Variants in CUX1 observed in about 807,000 individuals in gnomAD.
CUX1 encodes the protein cut like homeobox 1, also known as protein CASP.
CUX1 carries 31 observed loss-of-function variants against 158.8 expected under a neutral mutation model. The observed-to-expected ratio is 0.20, with a 90% CI of 0.15 to 0.26. The LOEUF (loss-of-function observed/expected upper bound fraction) is 0.26, where lower values mean the gene tolerates loss of function less well. Ranked by LOEUF, CUX1 falls within the 10% of genes least tolerant of loss-of-function variation. CUX1 has a pLI of 1.00. For missense variants in CUX1, 1,589 were observed against 2,014.6 expected (o/e 0.79, Z 4.04); for synonymous variants, 879 against 862.1 (o/e 1.02, Z -0.34).
At chr7:101,948,289 C>T (rs760996685) in intron 2 of CUX1, among the ~76,000 whole-genome samples, 3 of 152,130 alleles carry the variant, frequency 2.0e-5, no homozygotes, top group African/African-American at 2.4e-5. Context: ...GGCATTATCA[C>T]GACAATTAGT....
At chr7:102,208,691 C>T (rs571949664) in intron 20 of CUX1, among the ~76,000 whole-genome samples, 33 of 152,272 alleles carry the variant, frequency 2.2e-4, no homozygotes, top group Non-Finnish European at 4.6e-4. Flanking sequence ...GGAGAGCGAG[C>T]CTCTGTCCTA....
intron 1 of CUX1, among the ~76,000 whole-genome samples, chr7:101,875,628 C>A (rs1408867064): frequency 6.6e-6 from 1 of 152,130 alleles, no homozygotes; most frequent in Non-Finnish European, 1.5e-5. Flanking sequence ...TCGTACCTTT[C>A]ACAGGAGGAC....
At chr7:101,958,667 A>C (rs1810072257) in intron 2 of CUX1, among the ~76,000 whole-genome samples, 1 of 150,234 alleles carries the variant, frequency 6.7e-6, no homozygotes, top group African/African-American at 2.4e-5. Context: ...TTCAGTAGAG[A>C]CGGGGTTTCA....
chr7:102,242,779 C>A (rs369547), intron 23 of CUX1, among the ~76,000 whole-genome samples: 76,477 of 151,958 alleles, frequency 0.5, 20,923 homozygotes, highest in East Asian at 0.92. Flanking sequence ...TACACACCCT[C>A]GGGTTTCTCA....
chr7:101,816,509 A>AGCGGGCGGCGGGGG (rs1424236209), upstream of CUX1, among the ~76,000 whole-genome samples: 10 of 130,116 alleles, frequency 7.7e-5, no homozygotes, highest in Middle Eastern at 5.3e-3. Context: ...GGGAGCGGGG[A>AGCGGGCGGCGGGGG]GCGGGCGGCG....
intron 8 of CUX1, among the ~76,000 whole-genome samples, chr7:102,123,162 C>T (rs1832236495): frequency 6.6e-6 from 1 of 151,638 alleles, no homozygotes; most frequent in Non-Finnish European, 1.5e-5. Context: ...ACTTAGGAGG[C>T]AGAGGTTGCA....
chr7:102,283,205 T>G, exon 23 of CUX1: 1 of 856,464 alleles, frequency 1.2e-6, no homozygotes. Context: ...CCTTATCCGC[T>G]GTCCAGCAGC....
At chr7:102,150,025 G>C (rs1433137613) in intron 8 of CUX1, among the ~76,000 whole-genome samples, 1 of 152,228 alleles carries the variant, frequency 6.6e-6, no homozygotes, top group Non-Finnish European at 1.5e-5. Flanking sequence ...GAGTTCGCTT[G>C]ATCAAACCTA....
chr7:102,211,681 G>A (rs1796540157), intron 20 of CUX1, among the ~76,000 whole-genome samples: 1 of 150,790 alleles, frequency 6.6e-6, no homozygotes, highest in Non-Finnish European at 1.5e-5. Flanking sequence ...TTGGGAGGCT[G>A]AGGCAGGAGA....
chr7:101,861,582 T>A (rs969558049), intron 1 of CUX1, among the ~76,000 whole-genome samples: 2 of 59,984 alleles, frequency 3.3e-5, no homozygotes, highest in African/African-American at 1.3e-4. Flanking sequence ...GGCGGAGGAC[T>A]GGGGGCTCAG....
At chr7:102,212,500 C>T (rs1796646020) in intron 20 of CUX1, among the ~76,000 whole-genome samples, 1 of 152,178 alleles carries the variant, frequency 6.6e-6, no homozygotes, top group African/African-American at 2.4e-5. Context: ...AGCCCAGAGT[C>T]ACCGATTTAT....
At chr7:101,845,895 C>A (rs1363339903) in intron 1 of CUX1, among the ~76,000 whole-genome samples, 1 of 152,072 alleles carries the variant, frequency 6.6e-6, no homozygotes, top group African/African-American at 2.4e-5. Context: ...GTAATCCCAG[C>A]TACTTGGGAG....
intron 5 of CUX1, among the ~76,000 whole-genome samples, chr7:102,101,477 G>A (rs533973949): frequency 1.3e-4 from 20 of 152,302 alleles, no homozygotes; most frequent in African/African-American, 4.1e-4. Context: ...GCACTCACCC[G>A]GGTCCAGGGG....
intron 3 of CUX1, among the ~76,000 whole-genome samples, chr7:102,061,138 G>A (rs979170108): frequency 4.6e-5 from 7 of 152,036 alleles, no homozygotes; most frequent in Non-Finnish European, 8.8e-5. Context: ...TGGCCAGGCT[G>A]GTCTCGAACT....
In CUX1 at chr7:102,198,790, G is replaced by C; in HGVS notation, c.1895-12G>C. The C allele has an allele frequency of 6.2e-7, 1 of 1,613,356 alleles. No homozygotes were observed. Among genetic ancestry groups the C allele is most frequent in the African/African-American group, 1.3e-5 (1 of 75,018 alleles). On this transcript the variant is annotated splice_polypyrimidine_tract_variant and intron_variant, in intron 15 of 23. Transcript: ENST00000292535. ...TGATTGTTTTGTTCTTACCACACTT[G>C]TTTTTCAACAGAGAATCCAGGCCAG...
intron 9 of CUX1, among the ~76,000 whole-genome samples, chr7:102,168,648 A>AAG (rs1213108591): frequency 6.6e-6 from 1 of 151,180 alleles, no homozygotes; most frequent in Non-Finnish European, 1.5e-5. Flanking sequence ...TGTCTCAAAA[A>AAG]AAAAAAAAAA....
chr7:101,845,524 G>C (rs1296835904), intron 1 of CUX1, among the ~76,000 whole-genome samples: 1 of 152,186 alleles, frequency 6.6e-6, no homozygotes, highest in Non-Finnish European at 1.5e-5. Flanking sequence ...GCCTTAGCCT[G>C]TGGTGTGGGG....
At chr7:101,847,207 G>A (rs1007593019) in intron 1 of CUX1, among the ~76,000 whole-genome samples, 1 of 152,198 alleles carries the variant, frequency 6.6e-6, no homozygotes, top group Non-Finnish European at 1.5e-5. Flanking sequence ...CACCAACGCT[G>A]TAGCAAATGT....
At chr7:102,046,211 G>A (rs780041815) in intron 3 of CUX1, among the ~76,000 whole-genome samples, 3 of 152,158 alleles carry the variant, frequency 2.0e-5, no homozygotes, top group Non-Finnish European at 2.9e-5. Context: ...CTGGCACCCC[G>A]GGAAACCCCA....
Sources: allele counts gnomAD v4.1 joint callset (sites outside exome capture counted in the v4.1 genomes callset), GRCh38; gene constraint gnomAD v4.1.1; transcripts MANE v1.5; gene names NCBI Gene and HGNC (gene_info 2026-07-23, HGNC 2026-07-21).